The following TBC1D19 variants were observed in gnomAD, a reference collection of about 807,000 sequenced individuals.
The protein encoded by TBC1D19 is TBC1 domain family member 19, also known as TBC1 domain family, member 19.
In TBC1D19, 60 loss-of-function variants were observed where a neutral mutation model predicts 89.0. The ratio of observed to expected loss-of-function variants is 0.67; its 90% CI spans 0.55 to 0.84. The LOEUF is 0.84. TBC1D19 is among the 40% of genes least tolerant of loss of function. The pLI is 0.00. For missense variants in TBC1D19, 500 were observed against 610.8 expected (o/e 0.82, Z 1.91); for synonymous variants, 189 against 199.7 (o/e 0.95, Z 0.45).
At chr4:26,768,431 A>G in the TBC1D19 span, among the ~76,000 whole-genome samples, 1 of 152,256 alleles carries the variant, frequency 6.6e-6, no homozygotes, top group African/African-American at 2.4e-5. Flanking sequence ...AAAATGTACA[A>G]TACTTGGCAT....
the TBC1D19 span, among the ~76,000 whole-genome samples, chr4:26,762,465 C>A: frequency 1.3e-5 from 2 of 152,234 alleles, no homozygotes; most frequent in Admixed American, 1.3e-4. Context: ...TCAATGTATA[C>A]AGGTATTTGT....
chr4:26,659,014 A>G (rs1013946185), intron 7 of TBC1D19, among the ~76,000 whole-genome samples: 9 of 152,300 alleles, frequency 5.9e-5, no homozygotes, highest in African/African-American at 2.2e-4. Context: ...TAAATATACA[A>G]TCATGTAATC....
chr4:26,634,834 C>T (rs1307430410), intron 4 of TBC1D19, among the ~76,000 whole-genome samples: 1 of 151,904 alleles, frequency 6.6e-6, no homozygotes, highest in Non-Finnish European at 1.5e-5. Context: ...GAAATTGTTG[C>T]TGATCTCCAG....
intron 13 of TBC1D19, among the ~76,000 whole-genome samples, chr4:26,703,355 TTC>T (rs1300972966): frequency 1.3e-5 from 2 of 152,160 alleles, no homozygotes; most frequent in African/African-American, 4.8e-5. Context: ...AGAAATTGAG[TTC>T]TGTTTTTTCC....
rs192317984 is a variant in TBC1D19, at chr4:26,654,816, C to T, written c.481-4781C>T. Among the ~76,000 whole-genome samples, 12 of 152,140 alleles carry T rather than the reference C, an allele frequency of 7.9e-5. No homozygotes were observed. In the East Asian group the frequency reaches 2.1e-3, roughly 27 times the overall value. Reference sequence around the variant, plus strand: ...AGGTTTTTAACTTCTTTGATGGGTTCGAACTTCCTCCTTTAGCTCGGAGTA... The same window carrying T: ...AGGTTTTTAACTTCTTTGATGGGTTTGAACTTCCTCCTTTAGCTCGGAGTA... On this transcript the variant is annotated intron_variant, in intron 7 of 20. Transcript: ENST00000264866.
chr4:26,781,908 A>C, the TBC1D19 span, among the ~76,000 whole-genome samples: 3 of 146,502 alleles, frequency 2.0e-5, no homozygotes, highest in Non-Finnish European at 4.5e-5. Context: ...TTTTTTACTC[A>C]CTTCCATGTT....
downstream of TBC1D19, among the ~76,000 whole-genome samples, chr4:26,759,726 T>G (rs759780423): frequency 6.6e-6 from 1 of 152,242 alleles, no homozygotes; most frequent in Non-Finnish European, 1.5e-5. Flanking sequence ...CCATATGTAC[T>G]TTTTTGTGTC....
chr4:26,580,256 C>T (rs1221586344), upstream of TBC1D19, among the ~76,000 whole-genome samples: 1 of 151,892 alleles, frequency 6.6e-6, no homozygotes, highest in African/African-American at 2.4e-5. Context: ...AGGTGGCAAT[C>T]AGAAGCAGAA....
intron 4 of TBC1D19, among the ~76,000 whole-genome samples, chr4:26,636,488 TA>T (rs71643685): frequency 9.2e-5 from 12 of 130,996 alleles, no homozygotes; most frequent in African/African-American, 1.1e-4. Context: ...GTCAGTATCA[TA>T]AAAAAAAAAA....
intron 7 of TBC1D19, among the ~76,000 whole-genome samples, chr4:26,652,827 T>C (rs1490725061): frequency 6.6e-6 from 1 of 152,198 alleles, no homozygotes; most frequent in Non-Finnish European, 1.5e-5. Context: ...AACTCCTGGA[T>C]TCATTGGTTT....
At chr4:26,817,508 A>G in the TBC1D19 span, among the ~76,000 whole-genome samples, 1 of 152,038 alleles carries the variant, frequency 6.6e-6, no homozygotes, top group African/African-American at 2.4e-5. Context: ...TTTTTCCTGC[A>G]TCTGTGAAGC....
chr4:26,732,060 T>C (rs1717699217), intron 15 of TBC1D19, among the ~76,000 whole-genome samples: 1 of 152,204 alleles, frequency 6.6e-6, no homozygotes, highest in Non-Finnish European at 1.5e-5. Flanking sequence ...TTATTTCTTC[T>C]TATTATTATG....
intron 4 of TBC1D19, among the ~76,000 whole-genome samples, chr4:26,632,264 A>T (rs999705977): frequency 6.6e-6 from 1 of 151,966 alleles, no homozygotes; most frequent in African/African-American, 2.4e-5. Context: ...AAAAATTCAC[A>T]TATAACTTTT....
intron 9 of TBC1D19, among the ~76,000 whole-genome samples, chr4:26,668,940 C>T (rs1051524244): frequency 1.3e-5 from 2 of 151,294 alleles, no homozygotes; most frequent in African/African-American, 4.9e-5. Context: ...ATAGCCATTA[C>T]TTCTACAAAC....
At chr4:26,772,539 T>G in the TBC1D19 span, among the ~76,000 whole-genome samples, 1 of 152,102 alleles carries the variant, frequency 6.6e-6, no homozygotes, top group Non-Finnish European at 1.5e-5. Flanking sequence ...TCTGCCATGG[T>G]GGTTTGCTGC....
chr4:26,722,548 A>G (rs1717047191), intron 15 of TBC1D19, among the ~76,000 whole-genome samples: 1 of 152,202 alleles, frequency 6.6e-6, no homozygotes, highest in African/African-American at 2.4e-5. Flanking sequence ...AAAACAGCGT[A>G]TTAGACCACT....
chr4:26,748,393 A>C lies in TBC1D19; in HGVS notation c.1320-18A>C, dbSNP rs750306583. On this transcript the variant is annotated intron_variant, in intron 18 of 20. Transcript: ENST00000264866. Reference sequence around the variant, plus strand: ...AAATTTCAGTGGTACATTAATTTTTATTTTTCCTTGCTTATAGACTTCGCA... The same window carrying C: ...AAATTTCAGTGGTACATTAATTTTTCTTTTTCCTTGCTTATAGACTTCGCA... The C allele has an allele frequency of 3.2e-6, 5 of 1,582,268 alleles. No individual in the cohort carries two copies. The African/African-American group carries it at 6.8e-5, about 21-fold the overall frequency.
intron 11 of TBC1D19, among the ~76,000 whole-genome samples, chr4:26,680,817 G>A (rs755367766): frequency 4.0e-5 from 6 of 151,850 alleles, no homozygotes; most frequent in Non-Finnish European, 7.4e-5. Context: ...TCTTTCTCTC[G>A]TTTTTCTTTA....
At chr4:26,843,577 A>G in the TBC1D19 span, among the ~76,000 whole-genome samples, 29,436 of 151,418 alleles carry the variant, frequency 0.19, 3,013 homozygotes, top group East Asian at 0.42. Context: ...CCCAAACTAA[A>G]TTTTAAACTT....
Sources: allele counts gnomAD v4.1 joint callset (sites outside exome capture counted in the v4.1 genomes callset), GRCh38; gene constraint gnomAD v4.1.1; transcripts MANE v1.5; gene names NCBI Gene and HGNC (gene_info 2026-07-23, HGNC 2026-07-21).